The following RPL39L variants were observed in gnomAD, a reference collection of about 807,000 sequenced individuals.
The protein encoded by RPL39L is ribosomal protein L39 like.
For synonymous variants in RPL39L, 16 were observed against 20.1 expected (o/e 0.80, Z 0.55); for missense variants, 48 against 58.9 (o/e 0.81, Z 0.61).
chr3:187,121,112 C>A lies in RPL39L; in HGVS notation c.*33G>T. Reference sequence around the variant, plus strand: ...TAAGATGATCGTGAACTTGATACAGCATAAATATGTGTGCCATCTCATGTG... The same window carrying A: ...TAAGATGATCGTGAACTTGATACAGAATAAATATGTGTGCCATCTCATGTG... On this transcript the variant is annotated 3_prime_UTR_variant, in exon 3 of 3. Transcript: ENST00000296277. The A allele has an allele frequency of 6.2e-7, 1 of 1,609,784 alleles. No homozygotes were observed. Among genetic ancestry groups the A allele is most frequent in the Non-Finnish European group, 8.5e-7 (1 of 1,177,660 alleles).
intron 1 of RPL39L, among the ~76,000 whole-genome samples, chr3:187,136,383 G>A (rs1442216778): frequency 6.6e-6 from 1 of 152,076 alleles, no homozygotes; most frequent in African/African-American, 2.4e-5. Flanking sequence ...TAGTTTTACA[G>A]TTCACTTATG....
chr3:187,129,100 T>C (rs138447026), intron 1 of RPL39L, among the ~76,000 whole-genome samples: 249 of 152,344 alleles, frequency 1.6e-3, no homozygotes, highest in African/African-American at 4.5e-3. Context: ...TTAGCAAGGA[T>C]TGTTTCTGAA....
chr3:187,135,968 A>G (rs1720572540), intron 1 of RPL39L, among the ~76,000 whole-genome samples: 1 of 152,244 alleles, frequency 6.6e-6, no homozygotes, highest in South Asian at 2.1e-4. Flanking sequence ...CTAACAGACT[A>G]AGAACTCTTT....
chr3:187,132,598 C>T (rs1054447737), intron 1 of RPL39L, among the ~76,000 whole-genome samples: 4 of 152,202 alleles, frequency 2.6e-5, no homozygotes, highest in Non-Finnish European at 4.4e-5. Flanking sequence ...TGTTTCCCCC[C>T]GTATGGTTTA....
chr3:187,137,993 ACT>A (rs1720614791), intron 1 of RPL39L, among the ~76,000 whole-genome samples: 1 of 152,102 alleles, frequency 6.6e-6, no homozygotes, highest in African/African-American at 2.4e-5. Flanking sequence ...CTCTAAGCAA[ACT>A]CTCTTAGGTT....
intron 1 of RPL39L, among the ~76,000 whole-genome samples, chr3:187,138,196 A>G (rs1720618031): frequency 6.6e-6 from 1 of 152,098 alleles, no homozygotes; most frequent in Non-Finnish European, 1.5e-5. Flanking sequence ...TTGAGAATTA[A>G]GGCCAGGCCC....
chr3:187,131,652 C>T (rs1445748626), intron 1 of RPL39L, among the ~76,000 whole-genome samples: 1 of 152,192 alleles, frequency 6.6e-6, no homozygotes, highest in Non-Finnish European at 1.5e-5. Flanking sequence ...ATTTCTTAGC[C>T]ATGTTGTTCC....
chr3:187,123,397 CACT>C (rs1720345442), intron 2 of RPL39L, among the ~76,000 whole-genome samples: 1 of 152,150 alleles, frequency 6.6e-6, no homozygotes, highest in South Asian at 2.1e-4. Context: ...AGGGAAAGTA[CACT>C]ACTATTTCTG....
chr3:187,125,001 T>C (rs895876482), intron 2 of RPL39L, among the ~76,000 whole-genome samples: 1 of 152,158 alleles, frequency 6.6e-6, no homozygotes, highest in African/African-American at 2.4e-5. Flanking sequence ...GCCAAAGAAA[T>C]GGTAGCCATA....
rs1324463064 is a variant in RPL39L at position 187,137,838 on chromosome 3, GA to G, written c.-93+1374del. Among the ~76,000 whole-genome samples the G allele has an allele frequency of 2.0e-5, 3 of 149,606 alleles. No individual in the cohort carries two copies. In the East Asian group the frequency reaches 5.8e-4, roughly 29 times the overall value. ...CTCCGTCTCAAAAAAAAAAAAAAAG[GA>G]AAAAAAGAGACTTTAAAAGCTGGTG... On this transcript the variant is annotated intron_variant, in intron 1 of 2. Transcript: ENST00000296277.
At chr3:187,127,572 G>A (rs1720420193) in intron 2 of RPL39L, among the ~76,000 whole-genome samples, 2 of 152,272 alleles carry the variant, frequency 1.3e-5, no homozygotes, top group East Asian at 3.9e-4. Context: ...ACACTTTAGT[G>A]CCTATTTTAA....
chr3:187,138,398 G>C (rs1224877666), intron 1 of RPL39L, among the ~76,000 whole-genome samples: 1 of 152,240 alleles, frequency 6.6e-6, no homozygotes, highest in Non-Finnish European at 1.5e-5. Flanking sequence ...GATGAATCCA[G>C]ATGTGTAAAA....
At chr3:187,138,205 C>G (rs934020954) in intron 1 of RPL39L, among the ~76,000 whole-genome samples, 5 of 152,034 alleles carry the variant, frequency 3.3e-5, no homozygotes, top group African/African-American at 1.2e-4. Context: ...AAGGCCAGGC[C>G]CAGTGCAAAA....
At chr3:187,127,538 G>A (rs58522733) in intron 2 of RPL39L, among the ~76,000 whole-genome samples, 3,728 of 152,252 alleles carry the variant, frequency 0.024, 158 homozygotes, top group African/African-American at 0.086. Flanking sequence ...TATTACACAG[G>A]TGTCATTATT....
chr3:187,132,967 T>C (rs1186181633), intron 1 of RPL39L, among the ~76,000 whole-genome samples: 1 of 152,136 alleles, frequency 6.6e-6, no homozygotes. Context: ...AGAAGAGACA[T>C]CAAGTACCTC....
intron 2 of RPL39L, among the ~76,000 whole-genome samples, chr3:187,127,478 C>A (rs768511180): frequency 6.6e-6 from 1 of 152,146 alleles, no homozygotes; most frequent in Non-Finnish European, 1.5e-5. Flanking sequence ...AAGCAATATG[C>A]GTATATTTCC....
At chr3:187,134,214 T>C (rs1360564815) in intron 1 of RPL39L, among the ~76,000 whole-genome samples, 1 of 151,990 alleles carries the variant, frequency 6.6e-6, no homozygotes, top group Admixed American at 6.5e-5. Context: ...TTACATTAAA[T>C]GAATATGCTT....
At chr3:187,130,230 C>A (rs918028446) in intron 1 of RPL39L, among the ~76,000 whole-genome samples, 4 of 152,196 alleles carry the variant, frequency 2.6e-5, no homozygotes, top group African/African-American at 9.7e-5. Context: ...TTGATAACAT[C>A]CACGATGTCA....
intron 2 of RPL39L, among the ~76,000 whole-genome samples, chr3:187,124,613 G>A (rs1720367691): frequency 1.3e-5 from 2 of 152,128 alleles, no homozygotes; most frequent in East Asian, 3.8e-4. Flanking sequence ...ACTAGTGCTT[G>A]TAAAATCAAG....
Sources: gnomAD v4.1 joint callset for allele counts (sites outside exome capture counted in the v4.1 genomes callset) on GRCh38, gnomAD v4.1.1 for gene constraint, MANE v1.5 for transcripts, NCBI Gene and HGNC (gene_info 2026-07-23, HGNC 2026-07-21) for gene names.